TIAM2: variants seen among roughly 807,000 people sequenced by gnomAD.
TIAM2 encodes TIAM Rac1 associated GEF 2, also known as rho guanine nucleotide exchange factor TIAM2.
Under a neutral mutation model 152.9 loss-of-function variants are expected in TIAM2, and 80 were observed. The observed-to-expected ratio is 0.52, with a 90% CI of 0.44 to 0.63. The LOEUF (loss-of-function observed/expected upper bound fraction) is 0.63. Among genes scored for constraint, TIAM2 ranks in the 30% least tolerant of loss-of-function variants. The pLI, the probability that TIAM2 is intolerant of heterozygous loss-of-function variation, is 0.00. For missense variants in TIAM2, 1,965 were observed against 2,120.1 expected, an observed-to-expected ratio of 0.93 and a Z score of 1.44; for synonymous variants, 804 against 838.0, an observed-to-expected ratio of 0.96 and a Z score of 0.70.
At chr6:155,172,686 ATTTTTTTTTTTTT>A (rs113165280) in intron 9 of TIAM2, among the ~76,000 whole-genome samples, 22 of 19,626 alleles carry the variant, frequency 1.1e-3, no homozygotes, top group African/African-American at 3.4e-3. Flanking sequence ...ATATATATAT[ATTTTTTTTTTTTT>A]TTTTTTTTTT....
chr6:155,031,716 C>A (rs1466353160), intron 1 of TIAM2, among the ~76,000 whole-genome samples: 1 of 152,114 alleles, frequency 6.6e-6, no homozygotes, highest in Non-Finnish European at 1.5e-5. Context: ...GAGTGTGTGT[C>A]TCTGGCCTTT....
intron 2 of TIAM2, among the ~76,000 whole-genome samples, chr6:155,094,004 C>G (rs1279068745): frequency 6.6e-6 from 1 of 152,160 alleles, no homozygotes; most frequent in African/African-American, 2.4e-5. Context: ...TGGGCTGGTT[C>G]TGGGCTGTGG....
At chr6:155,021,606 C>T (rs1011887389) in intron 1 of TIAM2, among the ~76,000 whole-genome samples, 7 of 152,126 alleles carry the variant, frequency 4.6e-5, no homozygotes, top group Non-Finnish European at 1.0e-4. Context: ...TGTTGTTTTT[C>T]ACAGCCCCTG....
intron 1 of TIAM2, among the ~76,000 whole-genome samples, chr6:155,071,442 T>G (rs775522127): frequency 2.6e-5 from 4 of 152,204 alleles, no homozygotes; most frequent in Non-Finnish European, 5.9e-5. Flanking sequence ...CAATACTCAG[T>G]GCCCAGATAT....
At chr6:155,177,998 A>G (rs1396517147) in intron 10 of TIAM2, among the ~76,000 whole-genome samples, 1 of 151,948 alleles carries the variant, frequency 6.6e-6, no homozygotes, top group Non-Finnish European at 1.5e-5. Context: ...CGTCTCTACT[A>G]AAAATACAAA....
intron 1 of TIAM2, chr6:155,004,908 C>A: frequency 6.1e-6 from 1 of 164,476 alleles, no homozygotes. Flanking sequence ...CTGAGGTGGG[C>A]ACACAGTCTG....
chr6:155,039,072 T>C (rs555031862), intron 1 of TIAM2, among the ~76,000 whole-genome samples: 9 of 146,244 alleles, frequency 6.2e-5, no homozygotes, highest in African/African-American at 2.3e-4. Flanking sequence ...GTGATCCTCC[T>C]ACCTCAGTCT....
chr6:155,092,894 T>C (rs1778335860), intron 2 of TIAM2, among the ~76,000 whole-genome samples: 1 of 152,202 alleles, frequency 6.6e-6, no homozygotes, highest in Non-Finnish European at 1.5e-5. Flanking sequence ...TGGGTAGTGG[T>C]CATTAAATGG....
chr6:155,012,652 G>A (rs1778508901), intron 1 of TIAM2, among the ~76,000 whole-genome samples: 1 of 152,316 alleles, frequency 6.6e-6, no homozygotes, highest in South Asian at 2.1e-4. Context: ...CCGGGTTCAA[G>A]CGATTCTCCT....
chr6:155,187,384 A>G (rs1377712327), intron 14 of TIAM2, among the ~76,000 whole-genome samples: 5 of 152,074 alleles, frequency 3.3e-5, no homozygotes, highest in Non-Finnish European at 2.9e-5. Flanking sequence ...TTTTCTAGAA[A>G]AGAAGCATCC....
chr6:155,181,999 C>T (rs1780913372), intron 12 of TIAM2, among the ~76,000 whole-genome samples: 2 of 152,214 alleles, frequency 1.3e-5, no homozygotes, highest in Admixed American at 1.3e-4. Flanking sequence ...TGCATGGTCT[C>T]ACCTTTGGAA....
chr6:155,121,813 T>A (rs1779158387), intron 2 of TIAM2: 1 of 152,390 alleles, frequency 6.6e-6, no homozygotes, highest in African/African-American at 2.4e-5. Flanking sequence ...GTAGATCTCC[T>A]TTTTTGCAGT....
At chr6:155,204,430 T>C (rs1781548747) in intron 14 of TIAM2, among the ~76,000 whole-genome samples, 1 of 152,170 alleles carries the variant, frequency 6.6e-6, no homozygotes, top group Admixed American at 6.5e-5. Flanking sequence ...GGAGAGGTTC[T>C]GGTGCCATTT....
chr6:155,178,102 C>A (rs1780798050), intron 10 of TIAM2, among the ~76,000 whole-genome samples: 1 of 149,506 alleles, frequency 6.7e-6, no homozygotes, highest in Non-Finnish European at 1.5e-5. Context: ...TGGAGCTTGC[C>A]TTAAGCCGAG....
At chr6:155,033,021 G>A (rs1292366303) in intron 1 of TIAM2, among the ~76,000 whole-genome samples, 1 of 152,164 alleles carries the variant, frequency 6.6e-6, no homozygotes, top group Non-Finnish European at 1.5e-5. Flanking sequence ...CCATGTTGGT[G>A]CTCTTGCCTA....
At chr6:155,145,052 T>G (rs12525523) in intron 6 of TIAM2, among the ~76,000 whole-genome samples, 1 of 151,774 alleles carries the variant, frequency 6.6e-6, no homozygotes, top group East Asian at 1.9e-4. Flanking sequence ...AAAAAAATCA[T>G]GATCCCTGTC....
At position 155,073,159 on chromosome 6, in the gene TIAM2, C is replaced by CTTT. The variant is rs34459359; in HGVS notation, c.-208-17110_-208-17108dup. ...TTTCTTGCTTCAGATTGATTAAGTT[C>CTTT]TTTTTTTTTTTTTTTTTTTTTTAGA... On this transcript the variant is annotated intron_variant, in intron 1 of 26. Transcript: ENST00000682666. Among the ~76,000 whole-genome samples, 659 of 105,242 alleles carry CTTT rather than the reference C, an allele frequency of 6.3e-3. 28 individuals are homozygous for CTTT. Among genetic ancestry groups the CTTT allele is most frequent in the South Asian group, 0.016 (50 of 3,070 alleles). The allele number at this position is 105,242 out of a possible 152,430, so 69.0% of individuals were successfully genotyped here. A position where few individuals can be genotyped will look rare whatever the true frequency, so the allele number is the denominator to read the frequency against.
intron 6 of TIAM2, among the ~76,000 whole-genome samples, chr6:155,145,227 G>A (rs1779794635): frequency 6.6e-6 from 1 of 152,152 alleles, no homozygotes; most frequent in South Asian, 2.1e-4. Context: ...AATGCTATGA[G>A]GTCTCATTTC....
At chr6:155,095,157 A>G (rs918858303) in intron 2 of TIAM2, among the ~76,000 whole-genome samples, 1 of 152,108 alleles carries the variant, frequency 6.6e-6, no homozygotes, top group Non-Finnish European at 1.5e-5. Context: ...GTGGATCCCC[A>G]ATCCTCCCTA....
Sources: gnomAD v4.1 joint callset for allele counts (sites outside exome capture counted in the v4.1 genomes callset) on GRCh38, gnomAD v4.1.1 for gene constraint, MANE v1.5 for transcripts, NCBI Gene and HGNC (gene_info 2026-07-23, HGNC 2026-07-21) for gene names.